The following HYDIN variants were observed in gnomAD, a reference collection of about 807,000 sequenced individuals.
HYDIN encodes axonemal central pair apparatus protein HYDIN.
Under a neutral mutation model 403.9 loss-of-function variants are expected in HYDIN, and 132 were observed. That is an observed-to-expected ratio of 0.33 (90% confidence interval 0.28 to 0.38). The LOEUF is 0.38. HYDIN is among the 10% of genes least tolerant of loss of function. HYDIN has a pLI of 1.00. For synonymous variants in HYDIN, 1,202 were observed against 1,891.7 expected (o/e 0.64, Z 9.46); for missense variants, 2,827 against 5,009.5 (o/e 0.56, Z 13.15).
At position 71,186,763 on chromosome 16, in the gene HYDIN, T is replaced by C; in HGVS notation, c.133A>G (p.Met45Val). 6.2e-7 allele frequency: 1 copy of C among 1,611,226 alleles called. No individual in the cohort carries two copies. Among genetic ancestry groups the C allele is most frequent in the Non-Finnish European group, 8.5e-7 (1 of 1,178,310 alleles). The stretch of plus-strand genomic sequence containing the variant: ...ATATTAATTCCCGGATACATTACCA[T>C]TCGGTTTACTTCTTCTTCTGTAACC... ...KVVTEEEVNRMLTPSEFLKEM... is the reference protein window; with the variant it reads ...KVVTEEEVNRVLTPSEFLKEM... Residue 45 changes from methionine (M) to valine (V), a missense_variant and splice_region_variant, in exon 2 of 86, where the codon ATG (methionine) becomes GTG (valine). Met to Val is a conservative substitution (Grantham distance 21, BLOSUM62 1). Transcript: ENST00000393567.
intron 71 of HYDIN, 85 bp from the exon 72 acceptor site, chr16:70,857,955 G>A: frequency 1.7e-6 from 2 of 1,188,688 alleles, no homozygotes; most frequent in Non-Finnish European, 2.3e-6. Flanking sequence ...CAGCACGAGG[G>A]TCATGAGAGT....
chr16:70,889,816 C>G (rs189633916), intron 57 of HYDIN, 112 bp from the exon 58 acceptor site: 1 of 772,102 alleles, frequency 1.3e-6, no homozygotes, highest in East Asian at 2.6e-5. Flanking sequence ...GGGAAGGGGC[C>G]CTTCTTTGCC....
intron 1 of HYDIN, among the ~76,000 whole-genome samples, chr16:71,202,336 G>C (rs1174142239): frequency 6.6e-6 from 1 of 152,080 alleles, no homozygotes; most frequent in Non-Finnish European, 1.5e-5. Context: ...ATACACATTT[G>C]TTTACACATT....
chr16:71,200,486 A>C (rs1412977434), intron 1 of HYDIN, among the ~76,000 whole-genome samples: 2 of 152,184 alleles, frequency 1.3e-5, no homozygotes, highest in African/African-American at 4.8e-5. Flanking sequence ...CACCTAATCC[A>C]AGACTTGTAC....
At chr16:70,846,514 T>C (rs2038214363) in intron 75 of HYDIN, among the ~76,000 whole-genome samples, 1 of 145,898 alleles carries the variant, frequency 6.9e-6, no homozygotes, top group Admixed American at 6.9e-5. Context: ...AAAATGTATA[T>C]TCTGTTGATT....
chr16:70,859,531 T>C (rs2039270593), intron 71 of HYDIN, among the ~76,000 whole-genome samples: 2 of 152,118 alleles, frequency 1.3e-5, no homozygotes, highest in South Asian at 4.1e-4. Context: ...CGGATTTATT[T>C]CTGTCTTCAA....
chr16:70,855,885 C>A (rs61583448), intron 72 of HYDIN, among the ~76,000 whole-genome samples: 2 of 152,104 alleles, frequency 1.3e-5, no homozygotes, highest in East Asian at 3.8e-4. Context: ...ATGTCCCGAG[C>A]AATATTTGGA....
At chr16:71,181,192 A>G (rs1334395305) in intron 3 of HYDIN, among the ~76,000 whole-genome samples, 2 of 151,424 alleles carry the variant, frequency 1.3e-5, no homozygotes, top group African/African-American at 4.8e-5. Context: ...TCAATGCAAT[A>G]CATTAAAAAA....
intron 5 of HYDIN, 36 bp downstream of exon 5, chr16:71,175,571 T>G: frequency 6.2e-7 from 1 of 1,608,802 alleles, no homozygotes; most frequent in South Asian, 1.1e-5. Flanking sequence ...AATCTGCCAG[T>G]ACAAGTGTCC....
At chr16:71,221,600 C>T (rs1221904162) in intron 1 of HYDIN, among the ~76,000 whole-genome samples, 4 of 151,734 alleles carry the variant, frequency 2.6e-5, no homozygotes, top group Admixed American at 1.3e-4. Context: ...CAAAAACATC[C>T]TGTAGGAAAA....
At chr16:71,088,059 CTTATT>C (rs1317646553) in intron 12 of HYDIN, among the ~76,000 whole-genome samples, 2 of 130,782 alleles carry the variant, frequency 1.5e-5, no homozygotes, top group African/African-American at 5.8e-5. Context: ...TGTCTAAATC[CTTATT>C]TTATAAGACT....
intron 80 of HYDIN, among the ~76,000 whole-genome samples, chr16:70,830,813 G>C (rs963511005): frequency 2.0e-5 from 3 of 152,162 alleles, no homozygotes; most frequent in Non-Finnish European, 4.4e-5. Flanking sequence ...GTTTCAGTGA[G>C]AGATCGGGAG....
At chr16:70,844,434 T>C (rs914598259) in intron 75 of HYDIN, among the ~76,000 whole-genome samples, 6 of 147,988 alleles carry the variant, frequency 4.1e-5, no homozygotes, top group African/African-American at 1.6e-4. Context: ...CCATGCTGTT[T>C]TGGTTACTCT....
chr16:71,067,680 A>G (rs1279142851), intron 14 of HYDIN, among the ~76,000 whole-genome samples: 2 of 152,114 alleles, frequency 1.3e-5, no homozygotes, highest in South Asian at 2.1e-4. Context: ...ATGAGCATGA[A>G]CGATGAGCAA....
At chr16:70,939,357 C>A (rs957626732) in intron 43 of HYDIN, among the ~76,000 whole-genome samples, 3 of 152,232 alleles carry the variant, frequency 2.0e-5, no homozygotes, top group South Asian at 4.1e-4. Flanking sequence ...GTTTATTTCT[C>A]CATAATGATC....
rs768175559 is a variant in HYDIN, at chr16:70,832,895, T to C, written c.13852A>G (p.Ser4618Gly). 3.1e-5 allele frequency: 50 copies of C among 1,613,794 alleles called. No homozygotes were observed. The highest frequency in any genetic ancestry group is 4.2e-5 in the Non-Finnish European group (50 of 1,179,856). Residue 4618 changes from serine (S) to glycine (G), a missense_variant, in exon 80 of 86, where the codon AGT becomes GGT. Coordinates refer to ENST00000393567, the MANE Select transcript of HYDIN (RefSeq NM_001270974.2). The part of the protein sequence containing the change: ...LCYIQGGSPL[S>G]LTLSGVCVGP... ...ACGCAGACTCCAGACAGGGTTAGACTCAGAGGACTGCCTCCCTGGATGTAG... is the reference window on the plus strand; with the variant it reads ...ACGCAGACTCCAGACAGGGTTAGACCCAGAGGACTGCCTCCCTGGATGTAG...
At chr16:70,909,224 C>G (rs1212797749) in intron 47 of HYDIN, among the ~76,000 whole-genome samples, 1 of 151,930 alleles carries the variant, frequency 6.6e-6, no homozygotes, top group Non-Finnish European at 1.5e-5. Context: ...GCATATACCC[C>G]TCACCACCAG....
At chr16:70,971,394 T>C (rs1186770555) in intron 35 of HYDIN, among the ~76,000 whole-genome samples, 1 of 152,206 alleles carries the variant, frequency 6.6e-6, no homozygotes, top group Non-Finnish European at 1.5e-5. Context: ...ACTCACATGT[T>C]TTCTCAAAAT....
chr16:71,126,862 G>C (rs1010378485), intron 9 of HYDIN, among the ~76,000 whole-genome samples: 2 of 151,918 alleles, frequency 1.3e-5, no homozygotes, highest in African/African-American at 2.4e-5. Context: ...TCACTCATCT[G>C]AGACTACTGT....
Sources: allele counts gnomAD v4.1 joint callset (sites outside exome capture counted in the v4.1 genomes callset), GRCh38; gene constraint gnomAD v4.1.1; transcripts MANE v1.5; gene names NCBI Gene and HGNC (gene_info 2026-07-23, HGNC 2026-07-21).